The following SGCD variants were observed in gnomAD, a reference collection of about 807,000 sequenced individuals.
SGCD encodes delta-sarcoglycan.
SGCD carries 18 observed loss-of-function variants against 36.6 expected under a neutral mutation model. The observed-to-expected ratio is 0.49, with a 90% CI of 0.34 to 0.73. The LOEUF (loss-of-function observed/expected upper bound fraction) is 0.73, where lower values mean the gene tolerates loss of function less well. Among genes scored for constraint, SGCD ranks in the 30% least tolerant of loss-of-function variants. SGCD has a pLI of 0.01. For missense variants in SGCD, 387 were observed against 346.7 expected (o/e 1.12, Z -0.92); for synonymous variants, 133 against 130.6 (o/e 1.02, Z -0.12).
chr5:156,249,419 C>A (rs895806163), intron 3 of SGCD, among the ~76,000 whole-genome samples: 2 of 152,038 alleles, frequency 1.3e-5, no homozygotes, highest in African/African-American at 4.8e-5. Flanking sequence ...AACAGTAATT[C>A]ACAGTTTTGA....
intron 3 of SGCD, among the ~76,000 whole-genome samples, chr5:156,166,348 GCT>G (rs1763212509): frequency 6.6e-6 from 1 of 151,860 alleles, no homozygotes; most frequent in African/African-American, 2.4e-5. Flanking sequence ...ATGGAGTCTC[GCT>G]CTGTCACCCA....
chr5:156,375,148 AC>A (rs1770591553), intron 3 of SGCD, among the ~76,000 whole-genome samples: 1 of 151,496 alleles, frequency 6.6e-6, no homozygotes, highest in Non-Finnish European at 1.5e-5. Flanking sequence ...CTCTCTGTCA[AC>A]CTCTCTCTTT....
At chr5:155,992,130 G>C (rs1038203014) in intron 1 of SGCD, among the ~76,000 whole-genome samples, 3 of 151,990 alleles carry the variant, frequency 2.0e-5, no homozygotes, top group Non-Finnish European at 4.4e-5. Context: ...TTCTCTTCTA[G>C]GTTGGATACT....
At chr5:156,534,164 A>T (rs1362052129) in intron 4 of SGCD, among the ~76,000 whole-genome samples, 1 of 143,780 alleles carries the variant, frequency 7.0e-6, no homozygotes, top group Non-Finnish European at 1.5e-5. Flanking sequence ...TACCATCTGT[A>T]TGGACATCAT....
intron 3 of SGCD, among the ~76,000 whole-genome samples, chr5:156,352,835 T>C (rs74348754): frequency 0.012 from 1,760 of 152,252 alleles, 38 homozygotes; most frequent in African/African-American, 0.04. Context: ...ACACAGTCAG[T>C]GAATGATGAA....
intron 3 of SGCD, among the ~76,000 whole-genome samples, chr5:156,142,934 A>G (rs919374614): frequency 2.0e-5 from 3 of 152,244 alleles, no homozygotes; most frequent in Non-Finnish European, 4.4e-5. Flanking sequence ...AGAAATTTAC[A>G]TAACTGAAAG....
intron 3 of SGCD, among the ~76,000 whole-genome samples, chr5:156,448,804 A>C (rs1272858325): frequency 7.8e-6 from 1 of 127,952 alleles, no homozygotes; most frequent in African/African-American, 3.1e-5. Context: ...GCTAGAGTGC[A>C]GTGGCACAGT....
At chr5:156,072,625 T>C (rs577370745) in intron 1 of SGCD, among the ~76,000 whole-genome samples, 28 of 152,242 alleles carry the variant, frequency 1.8e-4, no homozygotes, top group African/African-American at 4.1e-4. Context: ...TTGTTCTTCT[T>C]GAGGAGTATC....
the SGCD span, among the ~76,000 whole-genome samples, chr5:155,818,270 T>A: frequency 6.6e-6 from 1 of 152,032 alleles, no homozygotes; most frequent in Admixed American, 6.6e-5. Context: ...CATTTCAAAG[T>A]CTTGACAGGA....
At chr5:155,803,317 C>T in the SGCD span, among the ~76,000 whole-genome samples, 6 of 152,178 alleles carry the variant, frequency 3.9e-5, no homozygotes, top group South Asian at 4.1e-4. Flanking sequence ...ACCGAGATGC[C>T]GGAGTCATCA....
At chr5:156,607,035 G>C (rs1160579199) in intron 6 of SGCD, among the ~76,000 whole-genome samples, 1 of 152,080 alleles carries the variant, frequency 6.6e-6, no homozygotes, top group African/African-American at 2.4e-5. Flanking sequence ...AATACTCTTT[G>C]CTTCCTTCTC....
chr5:156,026,647 A>G lies in SGCD; in HGVS notation c.-281-91231A>G, dbSNP rs185646158. ...GTTTAATCGTCAGCTTCCTGCTAGTATCAAGCCCAATTCACAATTGATACC... is the reference window on the plus strand; with the variant it reads ...GTTTAATCGTCAGCTTCCTGCTAGTGTCAAGCCCAATTCACAATTGATACC... On this transcript the variant is annotated intron_variant, in intron 1 of 9. Transcript: ENST00000517913. Among the ~76,000 whole-genome samples, 879 of 152,324 alleles carry G rather than the reference A, an allele frequency of 5.8e-3. 4 individuals are homozygous for G. Among genetic ancestry groups the G allele is most frequent in the African/African-American group, 0.02 (834 of 41,578 alleles).
intron 3 of SGCD, among the ~76,000 whole-genome samples, chr5:156,438,354 A>T (rs1443976806): frequency 6.6e-6 from 1 of 152,078 alleles, no homozygotes; most frequent in Non-Finnish European, 1.5e-5. Context: ...TGTGTGGTGG[A>T]CTTTGGCTCC....
chr5:156,381,998 C>T (rs1292203366), intron 3 of SGCD, among the ~76,000 whole-genome samples: 1 of 152,048 alleles, frequency 6.6e-6, no homozygotes, highest in Non-Finnish European at 1.5e-5. Flanking sequence ...TTATCATAAA[C>T]ATAATTTTTA....
chr5:156,458,648 G>T (rs1436213576), intron 3 of SGCD: 1 of 619,708 alleles, frequency 1.6e-6, no homozygotes, highest in South Asian at 2.1e-5. Flanking sequence ...TGCAGATATT[G>T]TAAGAATTAA....
intron 3 of SGCD, among the ~76,000 whole-genome samples, chr5:156,461,106 G>A (rs1039574461): frequency 6.6e-6 from 1 of 152,182 alleles, no homozygotes; most frequent in South Asian, 2.1e-4. Flanking sequence ...TAAACCAGGA[G>A]TACCTTTCAA....
At chr5:156,646,919 C>T (rs896398521) in intron 6 of SGCD, among the ~76,000 whole-genome samples, 1 of 152,174 alleles carries the variant, frequency 6.6e-6, no homozygotes, top group South Asian at 2.1e-4. Flanking sequence ...AAGCTCTGAA[C>T]TTCAAATGAT....
chr5:156,481,926 T>C (rs1252234248), intron 3 of SGCD, among the ~76,000 whole-genome samples: 1 of 152,162 alleles, frequency 6.6e-6, no homozygotes, highest in Admixed American at 6.5e-5. Flanking sequence ...AGACACCACC[T>C]GCTTATGCCA....
At chr5:156,398,601 A>G (rs760605753) in intron 3 of SGCD, among the ~76,000 whole-genome samples, 4 of 152,212 alleles carry the variant, frequency 2.6e-5, no homozygotes, top group Non-Finnish European at 4.4e-5. Flanking sequence ...TTACACACCC[A>G]GAGACTACAT....
Sources: allele counts gnomAD v4.1 joint callset (sites outside exome capture counted in the v4.1 genomes callset), GRCh38; gene constraint gnomAD v4.1.1; transcripts MANE v1.5; gene names NCBI Gene and HGNC (gene_info 2026-07-23, HGNC 2026-07-21).